CACNA1C: variants seen among roughly 807,000 people sequenced by gnomAD.
CACNA1C encodes the protein calcium voltage-gated channel subunit alpha1 C.
CACNA1C carries 30 observed loss-of-function variants against 229.0 expected under a neutral mutation model. That is an observed-to-expected ratio of 0.13 (90% CI 0.10 to 0.18). The LOEUF (loss-of-function observed/expected upper bound fraction) is 0.18. CACNA1C is among the 10% of genes least tolerant of loss of function. The pLI, the probability that CACNA1C is intolerant of heterozygous loss-of-function variation, is 1.00. For synonymous variants in CACNA1C, 1,114 were observed against 1,132.5 expected (o/e 0.98, Z 0.33); for missense variants, 1,658 against 2,845.0 (o/e 0.58, Z 9.49).
chr12:2,423,183 G>A (rs1165779883), intron 3 of CACNA1C, among the ~76,000 whole-genome samples: 1 of 151,972 alleles, frequency 6.6e-6, no homozygotes, highest in African/African-American at 2.4e-5. Flanking sequence ...CTGCTCCAGA[G>A]TGAAGCTGCA....
At chr12:2,412,163 C>A (rs1037771191) in intron 3 of CACNA1C, among the ~76,000 whole-genome samples, 3 of 152,122 alleles carry the variant, frequency 2.0e-5, no homozygotes, top group African/African-American at 7.2e-5. Flanking sequence ...GGCAGGGGTC[C>A]CTTCCTTCCC....
intron 9 of CACNA1C, among the ~76,000 whole-genome samples, chr12:2,520,228 G>A (rs1293305363): frequency 6.8e-5 from 6 of 88,156 alleles, no homozygotes; most frequent in Non-Finnish European, 1.1e-4. Context: ...GAGGAGGGAA[G>A]CCATGACAGT....
At chr12:2,650,186 G>A (rs1328403497) in intron 31 of CACNA1C, among the ~76,000 whole-genome samples, 1 of 152,190 alleles carries the variant, frequency 6.6e-6, no homozygotes, top group African/African-American at 2.4e-5. Flanking sequence ...GAAAGCAGGA[G>A]AGGTCTCTGG....
chr12:2,454,942 G>A (rs965155692), intron 4 of CACNA1C, among the ~76,000 whole-genome samples: 29 of 152,148 alleles, frequency 1.9e-4, no homozygotes, highest in African/African-American at 6.0e-4. Context: ...CACGACCCAC[G>A]GCGCTGCCCC....
intron 1 of CACNA1C, among the ~76,000 whole-genome samples, chr12:2,028,964 CG>C (rs1193680647): frequency 8.5e-5 from 13 of 152,258 alleles, no homozygotes; most frequent in African/African-American, 3.1e-4. Context: ...CTGTGTTTGG[CG>C]CTGAGGATGA....
chr12:2,588,513 C>T (rs1353715359), intron 18 of CACNA1C, among the ~76,000 whole-genome samples: 1 of 152,224 alleles, frequency 6.6e-6, no homozygotes, highest in Non-Finnish European at 1.5e-5. Flanking sequence ...ATCAGAGTGG[C>T]CAAGTGGGAG....
intron 1 of CACNA1C, among the ~76,000 whole-genome samples, chr12:2,025,358 A>G (rs918234637): frequency 5.3e-5 from 8 of 152,064 alleles, no homozygotes; most frequent in African/African-American, 1.9e-4. Context: ...GCCATGGTTG[A>G]CATCCATTAG....
chr12:2,541,281 T>C (rs1018533460), intron 9 of CACNA1C, among the ~76,000 whole-genome samples: 1 of 152,204 alleles, frequency 6.6e-6, no homozygotes, highest in Non-Finnish European at 1.5e-5. Context: ...CAGGGTGTTT[T>C]AGATACCAGA....
At chr12:2,061,821 G>A (rs563723668) in intron 1 of CACNA1C, among the ~76,000 whole-genome samples, 1 of 152,220 alleles carries the variant, frequency 6.6e-6, no homozygotes, top group South Asian at 2.1e-4. Flanking sequence ...TCCCAGTACA[G>A]GAGGACGGGC....
intron 5 of CACNA1C, among the ~76,000 whole-genome samples, chr12:2,484,696 G>A (rs1351351855): frequency 2.7e-5 from 4 of 150,164 alleles, no homozygotes; most frequent in African/African-American, 9.8e-5. Flanking sequence ...CTTGGAAGAC[G>A]TCCCCCACCC....
At chr12:2,017,189 C>T (rs1304925211) in intron 1 of CACNA1C, among the ~76,000 whole-genome samples, 3 of 152,024 alleles carry the variant, frequency 2.0e-5, no homozygotes, top group Admixed American at 6.5e-5. Context: ...GAGATGACAC[C>T]GAGGGCCTAC....
In CACNA1C at chr12:2,666,425, G is replaced by T. The variant is rs1211809113; in HGVS notation, c.4527-261G>T. 6.6e-6 allele frequency among the ~76,000 whole-genome samples: 1 copy of T among 152,166 alleles called. No individual in the cohort carries two copies. Among genetic ancestry groups the T allele is most frequent in the Non-Finnish European group, 1.5e-5 (1 of 68,042 alleles). On this transcript the variant is annotated intron_variant, in intron 36 of 46. Transcript: ENST00000399655. The surrounding 1 kb of genome is among the most constrained non-coding windows in gnomAD (Gnocchi z 5.3). The stretch of plus-strand genomic sequence containing the variant: ...GCAAGTATATATTGAGAATTTTGTT[G>T]CACTGCTAAAATCCCTTCCACCTTG...
chr12:2,347,223 C>T lies in CACNA1C; in HGVS notation c.478-101753C>T, dbSNP rs564579765. 5.9e-5 allele frequency among the ~76,000 whole-genome samples: 9 copies of T among 152,324 alleles called. No individual in the cohort carries two copies. In the South Asian group the frequency reaches 1.9e-3, roughly 32 times the overall value. On this transcript the variant is annotated intron_variant, in intron 3 of 46. Transcript: ENST00000399655. ...GAATGAACAAATGCACCCTTTCTCA[C>T]CTCCCCACGAACACTGCACTTTCCC...
chr12:2,387,163 C>T (rs1254365687), intron 3 of CACNA1C, among the ~76,000 whole-genome samples: 1 of 152,168 alleles, frequency 6.6e-6, no homozygotes, highest in Admixed American at 6.5e-5. Flanking sequence ...AGAGCACTTT[C>T]AGTTAGGAGG....
At chr12:2,010,004 C>A (rs573706717) in intron 1 of CACNA1C, among the ~76,000 whole-genome samples, 144 of 152,252 alleles carry the variant, frequency 9.5e-4, no homozygotes, top group African/African-American at 3.2e-3. Flanking sequence ...AAAACTATTA[C>A]AATTAGTAGT....
rs1025144910 is a variant in CACNA1C at position 2,610,403 on chromosome 12, G to T, written c.3559-138G>T. ...CTCCCACCTGTAAGTGAGCCGGAGC[G>T]GCCAATGATTTCTCAGACTTCCGGA... is the stretch of plus-strand genomic sequence containing the variant. On this transcript the variant is annotated intron_variant, in intron 27 of 46. Coordinates refer to ENST00000399655, the MANE Select transcript of CACNA1C (RefSeq NM_000719.7). 1.0e-5 allele frequency: 8 copies of T among 785,746 alleles called. No individual in the cohort carries two copies. The African/African-American group carries it at 1.4e-4, about 14-fold the overall frequency. 48.7% of individuals were successfully genotyped at this position (785,746 alleles called of 1,614,324 possible).
chr12:2,509,699 A>G (rs2099779402), intron 8 of CACNA1C, among the ~76,000 whole-genome samples: 1 of 152,170 alleles, frequency 6.6e-6, no homozygotes, highest in Non-Finnish European at 1.5e-5. Context: ...CATTTTAAAC[A>G]GCAAAATCAC....
chr12:2,526,285 T>C (rs181953855), intron 9 of CACNA1C, among the ~76,000 whole-genome samples: 34 of 152,342 alleles, frequency 2.2e-4, no homozygotes, highest in Admixed American at 1.2e-3. Context: ...CCCTACCCCA[T>C]GTGGGGGCTG....
intron 21 of CACNA1C, among the ~76,000 whole-genome samples, chr12:2,598,705 C>G (rs118043201): frequency 2.6e-5 from 4 of 152,224 alleles, no homozygotes; most frequent in African/African-American, 9.6e-5. Flanking sequence ...ACTCCCTCAT[C>G]ATGGCCCAGC....
Sources: gnomAD v4.1 joint callset for allele counts (sites outside exome capture counted in the v4.1 genomes callset) on GRCh38, gnomAD v4.1.1 for gene constraint, Gnocchi (gnomAD v3.1) non-coding constraint, MANE v1.5 for transcripts, NCBI Gene and HGNC (gene_info 2026-07-23, HGNC 2026-07-21) for gene names.